Variants in ARHGAP26 observed in about 807,000 individuals in gnomAD.
The protein encoded by ARHGAP26 is rho GTPase-activating protein 26.
A neutral mutation model predicts 104.8 loss-of-function variants in ARHGAP26; 38 were observed. The ratio of observed to expected loss-of-function variants is 0.36; its 90% CI spans 0.28 to 0.48. The LOEUF is 0.48. ARHGAP26 is among the 20% of genes least tolerant of loss of function. The pLI, the probability that ARHGAP26 is intolerant of heterozygous loss-of-function variation, is 0.99. For synonymous variants in ARHGAP26, 341 were observed against 340.0 expected (o/e 1.00, Z -0.03); for missense variants, 704 against 947.9 (o/e 0.74, Z 3.38).
intron 11 of ARHGAP26, among the ~76,000 whole-genome samples, chr5:142,943,800 C>A (rs1766721581): frequency 6.6e-6 from 1 of 152,140 alleles, no homozygotes; most frequent in African/African-American, 2.4e-5. Context: ...CATACCACTA[C>A]CTTTATAGGC....
intron 13 of ARHGAP26, among the ~76,000 whole-genome samples, chr5:143,039,978 G>C (rs1401894252): frequency 1.3e-5 from 2 of 152,170 alleles, no homozygotes; most frequent in Admixed American, 6.5e-5. Flanking sequence ...AAAAAAGTGG[G>C]TATCTCCCGA....
intron 20 of ARHGAP26, chr5:143,192,597 A>T (rs911365897): frequency 6.6e-6 from 1 of 152,222 alleles, no homozygotes; most frequent in Non-Finnish European, 1.5e-5. Flanking sequence ...CTTAAGAAAA[A>T]GTTTGCTGAC....
At chr5:143,020,899 C>G (rs1463361403) in intron 12 of ARHGAP26, among the ~76,000 whole-genome samples, 1 of 152,128 alleles carries the variant, frequency 6.6e-6, no homozygotes, top group Admixed American at 6.5e-5. Context: ...CTCGGCCTCC[C>G]AAAGTGCTGG....
chr5:142,931,944 T>G (rs712177), intron 10 of ARHGAP26, 103 bp from the exon 11 acceptor site: 1 of 1,084,212 alleles, frequency 9.2e-7, no homozygotes, highest in South Asian at 1.3e-5. Flanking sequence ...GTTGTTAACC[T>G]TAGCAGCCAC....
At chr5:143,114,308 C>T (rs1421483475) in intron 17 of ARHGAP26, among the ~76,000 whole-genome samples, 5 of 152,124 alleles carry the variant, frequency 3.3e-5, no homozygotes, top group Non-Finnish European at 5.9e-5. Flanking sequence ...CGGGTGTTCT[C>T]GACAGAGGCC....
chr5:143,059,632 A>C (rs1375123113), intron 17 of ARHGAP26, among the ~76,000 whole-genome samples: 1 of 152,178 alleles, frequency 6.6e-6, no homozygotes, highest in African/African-American at 2.4e-5. Flanking sequence ...TGGAATTTGC[A>C]AATCACAGTT....
chr5:143,034,174 A>G lies in ARHGAP26; in HGVS notation c.1145-3022A>G, dbSNP rs183834382. On this transcript the variant is annotated intron_variant, in intron 12 of 22. Coordinates refer to ENST00000645722, the MANE Select transcript of ARHGAP26 (RefSeq NM_001135608.3). ...GGAATGAAAACTGGTGCAGCTGCTT[A>G]GAAAACAGTTTGGCAATTCCTCAAA... Among the ~76,000 whole-genome samples, 384 of 152,330 alleles carry G rather than the reference A, an allele frequency of 2.5e-3. 1 individual carries two copies. Among genetic ancestry groups the G allele is most frequent in the Middle Eastern group, 6.8e-3 (2 of 294 alleles).
At chr5:143,109,081 A>G (rs1386115967) in intron 17 of ARHGAP26, among the ~76,000 whole-genome samples, 1 of 152,232 alleles carries the variant, frequency 6.6e-6, no homozygotes, top group Non-Finnish European at 1.5e-5. Context: ...GATTGTTACA[A>G]TGGTGAAATT....
At chr5:142,981,276 C>T (rs1773903561) in intron 11 of ARHGAP26, among the ~76,000 whole-genome samples, 1 of 152,160 alleles carries the variant, frequency 6.6e-6, no homozygotes, top group Non-Finnish European at 1.5e-5. Context: ...ATTTCCTAAA[C>T]CGTAAAATGG....
At chr5:143,021,546 G>A (rs1432633843) in intron 12 of ARHGAP26, among the ~76,000 whole-genome samples, 1 of 152,228 alleles carries the variant, frequency 6.6e-6, no homozygotes, top group Admixed American at 6.5e-5. Flanking sequence ...ATTAGAGAGA[G>A]GGTTTGCATG....
chr5:142,826,467 C>T (rs1767299911), intron 1 of ARHGAP26, among the ~76,000 whole-genome samples: 1 of 152,264 alleles, frequency 6.6e-6, no homozygotes, highest in African/African-American at 2.4e-5. Context: ...TTGCCCGGTT[C>T]ATTCAATTAT....
intron 17 of ARHGAP26, among the ~76,000 whole-genome samples, chr5:143,085,173 C>T (rs1790396642): frequency 6.6e-6 from 1 of 151,868 alleles, no homozygotes; most frequent in East Asian, 1.9e-4. Flanking sequence ...TTCTTCCTCT[C>T]TGTTAGAGGA....
chr5:143,205,556 C>G (rs1012755705), intron 20 of ARHGAP26, among the ~76,000 whole-genome samples: 2 of 152,180 alleles, frequency 1.3e-5, no homozygotes, highest in African/African-American at 4.8e-5. Context: ...AAGAAGAATT[C>G]TAATGCTATG....
intron 22 of ARHGAP26, among the ~76,000 whole-genome samples, chr5:143,220,291 G>A (rs1810970369): frequency 1.3e-5 from 2 of 152,196 alleles, no homozygotes; most frequent in African/African-American, 2.4e-5. Context: ...GCTTAGGTGG[G>A]TGGTAAGGGC....
chr5:143,064,311 C>T (rs1333308899), intron 17 of ARHGAP26, among the ~76,000 whole-genome samples: 1 of 151,690 alleles, frequency 6.6e-6, no homozygotes, highest in Non-Finnish European at 1.5e-5. Context: ...TACCTATTGG[C>T]TTATGCCAAA....
intron 20 of ARHGAP26, among the ~76,000 whole-genome samples, chr5:143,185,274 C>G (rs1199365028): frequency 6.6e-6 from 1 of 152,144 alleles, no homozygotes; most frequent in East Asian, 1.9e-4. Context: ...CTAAAATAGT[C>G]ACTAATGTGT....
intron 21 of ARHGAP26, among the ~76,000 whole-genome samples, chr5:143,213,394 G>A (rs1314026267): frequency 6.7e-6 from 1 of 148,392 alleles, no homozygotes; most frequent in Non-Finnish European, 1.5e-5. Context: ...ATGTGTAATT[G>A]CCCTCATGCA....
intron 11 of ARHGAP26, among the ~76,000 whole-genome samples, chr5:142,970,552 A>G (rs66767211): frequency 0.087 from 13,186 of 152,126 alleles, 1,488 homozygotes; most frequent in African/African-American, 0.26. Flanking sequence ...TTCTTCCCCT[A>G]TTGTTCCAAT....
chr5:143,115,359 G>A (rs1333383888), intron 17 of ARHGAP26, among the ~76,000 whole-genome samples: 3 of 14,762 alleles, frequency 2.0e-4, no homozygotes, highest in African/African-American at 2.4e-4. Context: ...AACAAAAAAC[G>A]AAAGAAAGAA....
Sources: gnomAD v4.1 joint callset for allele counts (sites outside exome capture counted in the v4.1 genomes callset) on GRCh38, gnomAD v4.1.1 for gene constraint, MANE v1.5 for transcripts, NCBI Gene and HGNC (gene_info 2026-07-23, HGNC 2026-07-21) for gene names.